The following NCAM2 variants were observed in gnomAD, a reference collection of about 807,000 sequenced individuals.
The protein encoded by NCAM2 is N-CAM-2.
NCAM2 carries 30 observed loss-of-function variants against 98.1 expected under a neutral mutation model. The ratio of observed to expected loss-of-function variants is 0.31; its 90% CI spans 0.23 to 0.41. The LOEUF (loss-of-function observed/expected upper bound fraction) is 0.41. NCAM2 is among the 10% of genes least tolerant of loss of function. The pLI, the probability that NCAM2 is intolerant of heterozygous loss-of-function variation, is 1.00. For missense variants in NCAM2, 867 were observed against 1,005.8 expected (o/e 0.86, Z 1.87); for synonymous variants, 368 against 342.4 (o/e 1.07, Z -0.83).
At chr21:21,394,268 G>T (rs73324807) in intron 9 of NCAM2, among the ~76,000 whole-genome samples, 2,742 of 152,086 alleles carry the variant, frequency 0.018, 86 homozygotes, top group African/African-American at 0.063. Context: ...ACATATGACA[G>T]AACACAGAGA....
chr21:21,251,744 G>GTTTTTTTTTTTTTTT (rs3037910), intron 1 of NCAM2, among the ~76,000 whole-genome samples: 2 of 143,542 alleles, frequency 1.4e-5, no homozygotes, highest in Non-Finnish European at 1.5e-5. Flanking sequence ...ACTTTTTGAT[G>GTTTTTTTTTTTTTTT]TTTTTTTTTT....
At chr21:21,275,571 T>C (rs2072698520) in intron 1 of NCAM2, among the ~76,000 whole-genome samples, 1 of 152,192 alleles carries the variant, frequency 6.6e-6, no homozygotes, top group Admixed American at 6.5e-5. Context: ...CCTACCTTTC[T>C]CGTAGGTAAA....
rs144082668 is a variant in NCAM2, at chr21:21,126,170, G to C, written c.55+127552G>C. On this transcript the variant is annotated intron_variant, in intron 1 of 17. Transcript: ENST00000400546. ...TTGCTTTTGACAGAGTTTAGTGAGGGATCATTTCCGGGGTAGGAGCCATGA... is the reference window on the plus strand; with the variant it reads ...TTGCTTTTGACAGAGTTTAGTGAGGCATCATTTCCGGGGTAGGAGCCATGA... Among the ~76,000 whole-genome samples, 527 of 134,058 alleles carry C rather than the reference G, an allele frequency of 3.9e-3. 9 individuals carry two copies. Among genetic ancestry groups the C allele is most frequent in the African/African-American group, 0.014 (510 of 36,618 alleles). The allele number at this position is 134,058 out of a possible 152,430, so 87.9% of individuals were successfully genotyped here. A position where few individuals can be genotyped will look rare whatever the true frequency, so the allele number is the denominator to read the frequency against.
chr21:21,486,779 A>G (rs1485018014), intron 15 of NCAM2, among the ~76,000 whole-genome samples: 1 of 152,214 alleles, frequency 6.6e-6, no homozygotes, highest in East Asian at 1.9e-4. Context: ...TATAAAGAAC[A>G]TTCAAAGTGA....
rs1491473437 is a variant in NCAM2 at position 21,479,608 on chromosome 21, A to AAAAATT, written c.2077+2137_2077+2138insAAAATT. 2.3e-4 allele frequency among the ~76,000 whole-genome samples: 29 copies of AAAAATT among 127,980 alleles called. 1 individual carries two copies. Among genetic ancestry groups the AAAAATT allele is most frequent in the African/African-American group, 6.9e-4 (25 of 36,102 alleles). 84.0% of individuals were successfully genotyped at this position (127,980 alleles called of 152,430 possible). A position where few individuals can be genotyped will look rare whatever the true frequency, so the allele number is the denominator to read the frequency against. Reference sequence around the variant, plus strand: ...CAAAAAAAAAAAAAAAAAAAAAAAAATTGTTGATGATAAAAACCAACAATA... The same window carrying AAAAATT: ...CAAAAAAAAAAAAAAAAAAAAAAAAAAAAATTTTGTTGATGATAAAAACCAACAATA... On this transcript the variant is annotated intron_variant, in intron 15 of 17. Coordinates refer to ENST00000400546, the MANE Select transcript of NCAM2 (RefSeq NM_004540.5).
chr21:21,361,101 C>CT (rs2075633252), intron 8 of NCAM2, among the ~76,000 whole-genome samples: 1 of 152,070 alleles, frequency 6.6e-6, no homozygotes, highest in African/African-American at 2.4e-5. Context: ...AATGAAATAT[C>CT]TGAGTTTTCA....
rs539723004 is a variant in NCAM2 at position 21,477,425 on chromosome 21, G to A, written c.2031G>A (p.Pro677=). 2.1e-5 allele frequency: 33 copies of A among 1,608,114 alleles called. No homozygotes were observed. The highest frequency in any genetic ancestry group is 1.7e-4 in the Middle Eastern group (1 of 6,024). The change falls in exon 15 of 18, where the codon CCG becomes CCA. Residue 677 remains proline (P), a synonymous_variant. Coordinates refer to ENST00000400546, the MANE Select transcript of NCAM2 (RefSeq NM_004540.5). ...TAANRLGYSE[P]TVYEFSMPPK... Reference sequence around the variant, plus strand: ...CCAATAGATTGGGATATTCTGAACCGACAGTTTATGAATTCAGCATGCCAC... The same window carrying A: ...CCAATAGATTGGGATATTCTGAACCAACAGTTTATGAATTCAGCATGCCAC...
At chr21:21,156,013 G>A (rs1192011396) in intron 1 of NCAM2, among the ~76,000 whole-genome samples, 1 of 151,908 alleles carries the variant, frequency 6.6e-6, no homozygotes, top group Non-Finnish European at 1.5e-5. Flanking sequence ...CTTCAGTTAA[G>A]TGTTCACTGG....
intron 1 of NCAM2, among the ~76,000 whole-genome samples, chr21:21,002,525 C>T (rs1403483648): frequency 3.9e-5 from 6 of 152,096 alleles, no homozygotes; most frequent in African/African-American, 9.7e-5. Context: ...TGCCTGTCCT[C>T]GTGTGGAAGC....
intron 1 of NCAM2, among the ~76,000 whole-genome samples, chr21:21,218,781 T>G (rs1368207575): frequency 1.3e-5 from 2 of 152,204 alleles, no homozygotes; most frequent in African/African-American, 4.8e-5. Flanking sequence ...CAGTGGCTCA[T>G]GCCTATAATC....
At chr21:21,418,363 A>C (rs2077036823) in intron 10 of NCAM2, 110 bp from the exon 11 acceptor site, 2 of 737,578 alleles carry the variant, frequency 2.7e-6, no homozygotes, top group Non-Finnish European at 4.8e-6. Context: ...TATGGTAAGG[A>C]GTTGTTGGGT....
intron 8 of NCAM2, among the ~76,000 whole-genome samples, chr21:21,341,375 A>T (rs962568361): frequency 6.6e-6 from 1 of 152,132 alleles, no homozygotes; most frequent in Non-Finnish European, 1.5e-5. Context: ...AGTTGGTGTC[A>T]TATTGTTAGT....
At chr21:20,999,090 T>A in intron 1 of NCAM2, among the ~76,000 whole-genome samples, 1 of 152,154 alleles carries the variant, frequency 6.6e-6, no homozygotes, top group East Asian at 1.9e-4. Context: ...TCTTTTTTTT[T>A]TCCACCCCTT....
At chr21:21,040,845 T>C (rs2064890025) in intron 1 of NCAM2, among the ~76,000 whole-genome samples, 1 of 152,182 alleles carries the variant, frequency 6.6e-6, no homozygotes, top group African/African-American at 2.4e-5. Context: ...GAATAAGTTC[T>C]AGTGTTCTAT....
intron 16 of NCAM2, among the ~76,000 whole-genome samples, chr21:21,517,789 C>T (rs762523031): frequency 2.6e-5 from 4 of 152,014 alleles, no homozygotes; most frequent in Admixed American, 6.6e-5. Flanking sequence ...ACCTGGGGAA[C>T]GAAGATGGCA....
chr21:21,027,866 T>G (rs1332395675), intron 1 of NCAM2, among the ~76,000 whole-genome samples: 1 of 152,056 alleles, frequency 6.6e-6, no homozygotes, highest in Admixed American at 6.6e-5. Flanking sequence ...AAGTTTTTTT[T>G]TTTTTTTGAG....
chr21:21,071,847 T>G (rs2065571146), intron 1 of NCAM2, among the ~76,000 whole-genome samples: 1 of 151,872 alleles, frequency 6.6e-6, no homozygotes, highest in East Asian at 1.9e-4. Flanking sequence ...AAGTGTATAC[T>G]GCCCAATTAT....
intron 1 of NCAM2, among the ~76,000 whole-genome samples, chr21:21,015,328 G>A (rs1007046479): frequency 1.3e-5 from 2 of 152,032 alleles, no homozygotes; most frequent in Admixed American, 6.6e-5. Flanking sequence ...TGAAAACACC[G>A]GACATCATTG....
chr21:21,273,147 GC>G (rs1340076804), intron 1 of NCAM2, among the ~76,000 whole-genome samples: 1 of 152,098 alleles, frequency 6.6e-6, no homozygotes, highest in Non-Finnish European at 1.5e-5. Flanking sequence ...TGGCTGAGTG[GC>G]CAGTAGCAAT....
Sources: allele counts gnomAD v4.1 joint callset (sites outside exome capture counted in the v4.1 genomes callset), GRCh38; gene constraint gnomAD v4.1.1; transcripts MANE v1.5; gene names NCBI Gene and HGNC (gene_info 2026-07-23, HGNC 2026-07-21).